Variants in BLACAT1 observed in about 807,000 individuals in gnomAD.
BLACAT1 encodes BLACAT1 overlapping LEMD1 locus.
intron 1 of BLACAT1, among the ~76,000 whole-genome samples, chr1:205,446,919 G>C (rs1475934185): frequency 1.3e-5 from 2 of 152,068 alleles, no homozygotes; most frequent in Non-Finnish European, 2.9e-5. Flanking sequence ...TTCTCCTATT[G>C]TTCTGATCCC....
At chr1:205,452,031 G>C (rs914722772) in intron 1 of BLACAT1, among the ~76,000 whole-genome samples, 1 of 152,144 alleles carries the variant, frequency 6.6e-6, no homozygotes, top group African/African-American at 2.4e-5. Flanking sequence ...GGAGAGATGA[G>C]GGGGCCTGGG....
intron 1 of BLACAT1, among the ~76,000 whole-genome samples, chr1:205,455,116 C>T (rs1666547284): frequency 6.6e-6 from 1 of 152,154 alleles, no homozygotes; most frequent in African/African-American, 2.4e-5. Flanking sequence ...AGCACCTATC[C>T]TTGTCTAGCT....
At position 205,451,490 on chromosome 1, in the gene BLACAT1, G is replaced by GC. The variant is rs1558747647; in HGVS notation, c.-37+4426dup. On this transcript the variant is annotated intron_variant, in intron 1 of 1. Transcript: ENST00000629624. ...TGATGAGAAGTGGAGACAGCCACCCGCCCTGCTTGCCTGCCCTTGCTGTCA... is the reference window on the plus strand; with the variant it reads ...TGATGAGAAGTGGAGACAGCCACCCGCCCCTGCTTGCCTGCCCTTGCTGTCA... 9.2e-5 allele frequency among the ~76,000 whole-genome samples: 14 copies of GC among 152,264 alleles called. No individual in the cohort carries two copies. The South Asian group carries it at 2.5e-3, about 27-fold the overall frequency.
intron 1 of BLACAT1, among the ~76,000 whole-genome samples, chr1:205,444,154 A>T (rs1490642355): frequency 6.6e-6 from 1 of 151,622 alleles, no homozygotes; most frequent in African/African-American, 2.4e-5. Context: ...CCATGCCCAT[A>T]GTCCAGGAGG....
Position 205,450,701 on chromosome 1 carries a change from C to T in BLACAT1, c.-37+5216G>A, listed in dbSNP as rs1666484872. 2.0e-5 allele frequency among the ~76,000 whole-genome samples: 3 copies of T among 152,206 alleles called. No homozygotes were observed. ...AGGGCTCAGCCCCTGGCCTGCCTACCAATCCCAGCCCACCTGACAAGCCCC... is the reference window on the plus strand; with the variant it reads ...AGGGCTCAGCCCCTGGCCTGCCTACTAATCCCAGCCCACCTGACAAGCCCC... On this transcript the variant is annotated intron_variant, in intron 1 of 1. Coordinates refer to ENST00000629624, the Ensembl canonical transcript of BLACAT1. This position sits in a 1 kb window ranked among gnomAD's most constrained non-coding sequence, Gnocchi z 4.4.
chr1:205,450,887 C>T lies in BLACAT1; in HGVS notation c.-37+5030G>A, dbSNP rs529397913. Among the ~76,000 whole-genome samples the T allele has an allele frequency of 2.5e-4, 38 of 152,292 alleles. No individual in the cohort carries two copies. Among genetic ancestry groups the T allele is most frequent in the East Asian group, 5.8e-4 (3 of 5,184 alleles). On this transcript the variant is annotated intron_variant, in intron 1 of 1. Transcript: ENST00000629624. The surrounding 1 kb of genome is among the most constrained non-coding windows in gnomAD (Gnocchi z 4.4). ...GCAGGTCAAGCCTCACCTCCTTTCCCGAGGAAAACCCTGCTTCCTCCAATC... is the reference window on the plus strand; with the variant it reads ...GCAGGTCAAGCCTCACCTCCTTTCCTGAGGAAAACCCTGCTTCCTCCAATC...
At chr1:205,438,479 T>C (rs1001889951), downstream of BLACAT1, among the ~76,000 whole-genome samples, 4 of 152,372 alleles carry the variant, frequency 2.6e-5, no homozygotes, top group Non-Finnish European at 4.4e-5. Flanking sequence ...GGCCTTTCCC[T>C]ATTCCCTGGG....
intron 1 of BLACAT1, among the ~76,000 whole-genome samples, chr1:205,444,770 T>C (rs374450868): frequency 6.6e-6 from 1 of 152,094 alleles, no homozygotes; most frequent in Non-Finnish European, 1.5e-5. Flanking sequence ...TGCTGGGGCA[T>C]GCCAGCAATT....
At chr1:205,444,804 A>C (rs759943842) in intron 1 of BLACAT1, among the ~76,000 whole-genome samples, 2 of 151,988 alleles carry the variant, frequency 1.3e-5, no homozygotes, top group Admixed American at 6.6e-5. Context: ...GAAGAGGGAT[A>C]TTGCGCCCCC....
At position 205,450,108 on chromosome 1, in the gene BLACAT1, G is replaced by A. The variant is rs11581053; in HGVS notation, c.-37+5809C>T. Among the ~76,000 whole-genome samples, 46 of 152,178 alleles carry A rather than the reference G, an allele frequency of 3.0e-4. No homozygotes were observed. Among genetic ancestry groups the A allele is most frequent in the Middle Eastern group, 6.8e-3 (2 of 294 alleles). On this transcript the variant is annotated intron_variant, in intron 1 of 1. Transcript: ENST00000629624. The surrounding 1 kb of genome is among the most constrained non-coding windows in gnomAD (Gnocchi z 4.4). ...TCCCCCAGCCCTGAGGACGGTGGGG[G>A]TGGGGGTGGGGGCGGGCTGGGCAGG... is the stretch of plus-strand genomic sequence containing the variant.
intron 1 of BLACAT1, among the ~76,000 whole-genome samples, chr1:205,451,420 G>A (rs1360071477): frequency 6.6e-6 from 1 of 152,146 alleles, no homozygotes; most frequent in East Asian, 1.9e-4. Flanking sequence ...TCTTCCTGCC[G>A]CAGGCTCCCA....
chr1:205,449,560 A>AT (rs1024498507), intron 1 of BLACAT1, among the ~76,000 whole-genome samples: 1 of 152,126 alleles, frequency 6.6e-6, no homozygotes, highest in Non-Finnish European at 1.5e-5. Flanking sequence ...GGAATCCTGC[A>AT]TTCCCCAACA....
At chr1:205,438,614 C>T (rs1380891897), downstream of BLACAT1, among the ~76,000 whole-genome samples, 1 of 152,152 alleles carries the variant, frequency 6.6e-6, no homozygotes, top group Non-Finnish European at 1.5e-5. Flanking sequence ...TTGGGGTGTG[C>T]CTGGCTAGAA....
chr1:205,445,100 G>C (rs1333970970), intron 1 of BLACAT1, among the ~76,000 whole-genome samples: 1 of 152,122 alleles, frequency 6.6e-6, no homozygotes, highest in Non-Finnish European at 1.5e-5. Context: ...ACCGGATTTG[G>C]GGGATTAGCT....
intron 1 of BLACAT1, among the ~76,000 whole-genome samples, chr1:205,454,034 C>T (rs1450672829): frequency 1.3e-5 from 2 of 152,200 alleles, no homozygotes; most frequent in Admixed American, 6.5e-5. Context: ...GAACTGGGCT[C>T]TCCCAAGCCC....
chr1:205,451,310 G>T (rs1666494170), intron 1 of BLACAT1, among the ~76,000 whole-genome samples: 1 of 152,144 alleles, frequency 6.6e-6, no homozygotes, highest in Non-Finnish European at 1.5e-5. Flanking sequence ...CCTACCACCA[G>T]TGGCCTCCTC....
At chr1:205,446,939 C>A (rs761534979) in intron 1 of BLACAT1, among the ~76,000 whole-genome samples, 2 of 152,050 alleles carry the variant, frequency 1.3e-5, no homozygotes, top group African/African-American at 4.8e-5. Context: ...CCCCGCTCCC[C>A]CCGACCTCCT....
rs2102478957 is a variant in BLACAT1, at chr1:205,450,337, C to G, written c.-37+5580G>C. Among the ~76,000 whole-genome samples, 1 of 151,688 alleles carries G rather than the reference C, an allele frequency of 6.6e-6. No homozygotes were observed. Among genetic ancestry groups the G allele is most frequent in the East Asian group, 1.9e-4 (1 of 5,142 alleles). Reference sequence around the variant, plus strand: ...GGGCTGTTTGGTCCCTCCCTCCCTCCCCATCTCCTTTCTCTCCTTCCTTCC... The same window carrying G: ...GGGCTGTTTGGTCCCTCCCTCCCTCGCCATCTCCTTTCTCTCCTTCCTTCC... On this transcript the variant is annotated intron_variant, in intron 1 of 1. Transcript: ENST00000629624. This position sits in a 1 kb window ranked among gnomAD's most constrained non-coding sequence, Gnocchi z 4.4.
rs1254370109 is a variant in BLACAT1 at position 205,448,477 on chromosome 1, C to T, written c.-36-7415G>A. ...GAAGCCCTCACTCCCCTTCTCAGCACCCCCGACCCCAGACCCACCCACACT... is the reference window on the plus strand; with the variant it reads ...GAAGCCCTCACTCCCCTTCTCAGCATCCCCGACCCCAGACCCACCCACACT... On this transcript the variant is annotated intron_variant, in intron 1 of 1. Transcript: ENST00000629624. This position sits in a 1 kb window ranked among gnomAD's most constrained non-coding sequence, Gnocchi z 4.7. 1 of 500,026 alleles carries T rather than the reference C, an allele frequency of 2.0e-6. No homozygotes were observed. Among genetic ancestry groups the T allele is most frequent in the Middle Eastern group, 6.4e-4 (1 of 1,564 alleles). The allele number at this position is 500,026 out of a possible 1,614,324, so 31.0% of individuals were successfully genotyped here.
Sources: gnomAD v4.1 joint callset for allele counts (sites outside exome capture counted in the v4.1 genomes callset) on GRCh38, gnomAD v4.1.1 for gene constraint, Gnocchi (gnomAD v3.1) non-coding constraint, MANE v1.5 for transcripts, NCBI Gene and HGNC (gene_info 2026-07-23, HGNC 2026-07-21) for gene names.